ACTR1A: variants seen among roughly 807,000 people sequenced by gnomAD.
ACTR1A encodes the protein alpha-centractin.
In ACTR1A, 10 loss-of-function variants were observed where a neutral mutation model predicts 50.7. The ratio of observed to expected loss-of-function variants is 0.20; its 90% CI spans 0.12 to 0.33. The LOEUF (loss-of-function observed/expected upper bound fraction) is 0.33, where lower values mean the gene tolerates loss of function less well. Ranked by LOEUF, ACTR1A falls within the 10% of genes least tolerant of loss-of-function variation. The pLI is 1.00. For missense variants in ACTR1A, 253 were observed against 491.7 expected, an observed-to-expected ratio of 0.51 and a Z score of 4.59; for synonymous variants, 177 against 184.2, an observed-to-expected ratio of 0.96 and a Z score of 0.32.
intron 1 of ACTR1A, among the ~76,000 whole-genome samples, chr10:102,500,936 T>A (rs2062247827): frequency 6.6e-6 from 1 of 150,896 alleles, no homozygotes; most frequent in African/African-American, 2.4e-5. Flanking sequence ...CCAGGGGTGG[T>A]GGCGCGTGCC....
chr10:102,487,718 G>C (rs920602379), intron 4 of ACTR1A, among the ~76,000 whole-genome samples: 1 of 143,968 alleles, frequency 6.9e-6, no homozygotes, highest in Admixed American at 7.3e-5. Flanking sequence ...TGCAAGCTCC[G>C]CCTCCCGGGT....
At chr10:102,483,129 G>A (rs2296581) in intron 6 of ACTR1A, 26 bp from the exon 7 acceptor site, 530,758 of 1,569,880 alleles carry the variant, frequency 0.34, 91,476 homozygotes, top group Admixed American at 0.39. Flanking sequence ...AGACAGTCAG[G>A]CTGGCAGGAA....
chr10:102,480,681 A>G lies in ACTR1A; in HGVS notation c.*182T>C, dbSNP rs13287. On this transcript the variant is annotated 3_prime_UTR_variant, in exon 11 of 11. Transcript: ENST00000369905. ...CCAGGCCTCAGGCCATCACCACTGC[A>G]GGTAGTTCATCGTCCTTTCTGGGCC... 0.34 allele frequency: 211,392 copies of G among 622,592 alleles called. 36,603 individuals are homozygous for G. The highest frequency in any genetic ancestry group is 0.39 in the African/African-American group (21,487 of 54,744). 38.6% of individuals were successfully genotyped at this position (622,592 alleles called of 1,614,324 possible).
At chr10:102,483,817 C>G in intron 6 of ACTR1A, 1 of 288,000 alleles carries the variant, frequency 3.5e-6, no homozygotes, top group African/African-American at 2.2e-5. Context: ...TGCACTGCAG[C>G]CTGGGCGACA....
At chr10:102,489,962 A>C (rs2062184317) in intron 2 of ACTR1A, among the ~76,000 whole-genome samples, 1 of 151,652 alleles carries the variant, frequency 6.6e-6, no homozygotes, top group Admixed American at 6.6e-5. Flanking sequence ...CTCCTCATTA[A>C]GATGGTAGAA....
chr10:102,498,891 G>T (rs765729685), intron 1 of ACTR1A, among the ~76,000 whole-genome samples: 1 of 152,126 alleles, frequency 6.6e-6, no homozygotes, highest in African/African-American at 2.4e-5. Flanking sequence ...TCTTTGGGAA[G>T]AAATGACTTA....
chr10:102,486,290 C>T (rs1333127209), intron 4 of ACTR1A, among the ~76,000 whole-genome samples: 1 of 152,150 alleles, frequency 6.6e-6, no homozygotes, highest in East Asian at 1.9e-4. Context: ...ACAGCTTCAT[C>T]CTGAAACTAT....
chr10:102,491,968 A>G (rs1453434305), intron 1 of ACTR1A, among the ~76,000 whole-genome samples: 1 of 127,504 alleles, frequency 7.8e-6, no homozygotes, highest in African/African-American at 3.1e-5. Context: ...ACAGGGTTTC[A>G]CCGTGTTAGC....
At chr10:102,502,525 G>A in intron 1 of ACTR1A, 75 bp downstream of exon 1, 1 of 1,555,156 alleles carries the variant, frequency 6.4e-7, no homozygotes, top group Non-Finnish European at 8.9e-7. Context: ...CGGCGGCTCA[G>A]GCTGAACCCC....
chr10:102,492,928 G>C (rs12765481), intron 1 of ACTR1A, among the ~76,000 whole-genome samples: 2 of 149,138 alleles, frequency 1.3e-5, no homozygotes, highest in Non-Finnish European at 3.0e-5. Flanking sequence ...CTTGAACCCA[G>C]GAGGTGGAGG....
Position 102,479,237 on chromosome 10 carries a change from C to A in ACTR1A, c.*1626G>T. 2 of 785,332 alleles carry A rather than the reference C, an allele frequency of 2.5e-6. No individual in the cohort carries two copies. Among genetic ancestry groups the A allele is most frequent in the Non-Finnish European group, 3.7e-6 (2 of 539,360 alleles). 48.6% of individuals were successfully genotyped at this position (785,332 alleles called of 1,614,324 possible). On this transcript the variant is annotated 3_prime_UTR_variant, in exon 11 of 11. Coordinates refer to ENST00000369905, the MANE Select transcript of ACTR1A (RefSeq NM_005736.4). The surrounding 1 kb of genome is among the most constrained non-coding windows in gnomAD (Gnocchi z 4.0). The stretch of plus-strand genomic sequence containing the variant: ...ACAGATAGAGGCCCAGCTGACGTGT[C>A]TATCGGAACGACTTTATTTCAGTAC...
intron 6 of ACTR1A, 23 bp from the exon 7 acceptor site, chr10:102,483,126 C>T: frequency 1.3e-6 from 2 of 1,576,340 alleles, no homozygotes; most frequent in African/African-American, 1.3e-5. Flanking sequence ...GCAAGACAGT[C>T]AGGCTGGCAG....
At position 102,480,701 on chromosome 10, in the gene ACTR1A, TG is replaced by T; in HGVS notation, c.*161del. On this transcript the variant is annotated 3_prime_UTR_variant, in exon 11 of 11. Transcript: ENST00000369905. The stretch of plus-strand genomic sequence containing the variant: ...ACTGCAGGTAGTTCATCGTCCTTTC[TG>T]GGCCCAGGGTCCCAGGGCCACACGG... 1 of 659,654 alleles carries T rather than the reference TG, an allele frequency of 1.5e-6. No homozygotes were observed. Among genetic ancestry groups the T allele is most frequent in the Non-Finnish European group, 2.7e-6 (1 of 368,140 alleles). 40.9% of individuals were successfully genotyped at this position (659,654 alleles called of 1,614,324 possible).
chr10:102,499,980 A>T (rs2062239878), intron 1 of ACTR1A, among the ~76,000 whole-genome samples: 1 of 152,240 alleles, frequency 6.6e-6, no homozygotes, highest in Non-Finnish European at 1.5e-5. Flanking sequence ...GACCCTAGGT[A>T]TACTGTGTGT....
In ACTR1A at chr10:102,493,429, G is replaced by T. The variant is rs374790406; in HGVS notation, c.49-2816C>A. Among the ~76,000 whole-genome samples, 4 of 152,320 alleles carry T rather than the reference G, an allele frequency of 2.6e-5. No homozygotes were observed. In the East Asian group the frequency reaches 7.7e-4, roughly 29 times the overall value. ...CAGACCCTGGATATTTTTAAGAGAT[G>T]ATTTTCCTGGGTATTTTATTTTTAG... On this transcript the variant is annotated intron_variant, in intron 1 of 10. Transcript: ENST00000369905.
chr10:102,496,830 A>G (rs2062224663), intron 1 of ACTR1A, among the ~76,000 whole-genome samples: 1 of 152,212 alleles, frequency 6.6e-6, no homozygotes. Context: ...TGATAAGATT[A>G]AGGGGTTCTT....
chr10:102,499,819 A>T (rs1399941722), intron 1 of ACTR1A, among the ~76,000 whole-genome samples: 1 of 152,232 alleles, frequency 6.6e-6, no homozygotes, highest in Non-Finnish European at 1.5e-5. Context: ...AAAAAGTCCT[A>T]CTCAATTATC....
chr10:102,484,312 G>A lies in ACTR1A; in HGVS notation c.505C>T (p.Pro169Ser). The A allele has an allele frequency of 1.2e-6, 2 of 1,614,186 alleles. No homozygotes were observed. Among genetic ancestry groups the A allele is most frequent in the Non-Finnish European group, 1.7e-6 (2 of 1,180,032 alleles). ...GGCATGGCAAAGCCCTCATAGATGG[G>A]CACAGCATGGGTGACTCCATCCCCA... ...DSGDGVTHAVPIYEGFAMPHS... is the reference protein window; with the variant it reads ...DSGDGVTHAVSIYEGFAMPHS... The change falls in exon 6 of 11, where the codon CCC (proline) becomes TCC (serine). Residue 169 changes from proline to serine, a missense_variant. Around this residue, in one of 4 missense-constraint regions of ACTR1A, gnomAD observed 96 missense variants for 238.7 expected, o/e 0.40. Transcript: ENST00000369905.
intron 6 of ACTR1A, 128 bp from the exon 7 acceptor site, chr10:102,483,231 G>T: frequency 1.3e-6 from 1 of 760,792 alleles, no homozygotes. Flanking sequence ...GGTCACTATA[G>T]CTGCTGCCCA....
Sources: gnomAD v4.1 joint callset for allele counts (sites outside exome capture counted in the v4.1 genomes callset) on GRCh38, gnomAD v4.1.1 for gene constraint, gnomAD v4.1.1 regional missense constraint, Gnocchi (gnomAD v3.1) non-coding constraint, MANE v1.5 for transcripts, NCBI Gene and HGNC (gene_info 2026-07-23, HGNC 2026-07-21) for gene names.